The following NR2E1 variants were observed in gnomAD, a reference collection of about 807,000 sequenced individuals.
NR2E1 encodes nuclear receptor TLX.
NR2E1 carries 5 observed loss-of-function variants against 43.6 expected under a neutral mutation model. The observed-to-expected ratio is 0.11, with a 90% CI of 0.06 to 0.24. The LOEUF (loss-of-function observed/expected upper bound fraction) is 0.24. NR2E1 is among the 10% of genes least tolerant of loss of function. The pLI, the probability that NR2E1 is intolerant of heterozygous loss-of-function variation, is 1.00. For missense variants in NR2E1, 287 were observed against 496.7 expected (o/e 0.58, Z 4.01); for synonymous variants, 191 against 195.5 (o/e 0.98, Z 0.19).
Position 108,177,217 on chromosome 6 carries a change from A to T in NR2E1, c.495+479A>T, listed in dbSNP as rs1399403538. Among the ~76,000 whole-genome samples, 5 of 152,260 alleles carry T rather than the reference A, an allele frequency of 3.3e-5. No homozygotes were observed. In the East Asian group the frequency reaches 9.6e-4, roughly 29 times the overall value. ...GGCATGTATGATCTTGGGCAAAGCC[A>T]TGAGTTTCTAACGCAAGTGCGAAAT... On this transcript the variant is annotated intron_variant, in intron 4 of 8. Coordinates refer to ENST00000368986, the MANE Select transcript of NR2E1 (RefSeq NM_003269.5).
At chr6:108,174,297 T>A (rs1028538279) in intron 2 of NR2E1, among the ~76,000 whole-genome samples, 7 of 152,190 alleles carry the variant, frequency 4.6e-5, no homozygotes, top group Non-Finnish European at 1.0e-4. Flanking sequence ...ATCTGATAGA[T>A]AAACGGGCTC....
intron 2 of NR2E1, among the ~76,000 whole-genome samples, chr6:108,174,429 G>A (rs1773861712): frequency 6.6e-6 from 1 of 152,114 alleles, no homozygotes; most frequent in African/African-American, 2.4e-5. Flanking sequence ...GAACTTAGTG[G>A]CCTCTTTCTC....
chr6:108,173,456 TTTATTA>T (rs1020862690), intron 2 of NR2E1, among the ~76,000 whole-genome samples: 4 of 152,240 alleles, frequency 2.6e-5, no homozygotes, highest in Non-Finnish European at 5.9e-5. Flanking sequence ...TATATTCCAA[TTTATTA>T]TTAACAGTAA....
intron 8 of NR2E1, among the ~76,000 whole-genome samples, chr6:108,184,298 T>A (rs1204427692): frequency 6.6e-6 from 1 of 152,142 alleles, no homozygotes; most frequent in Non-Finnish European, 1.5e-5. Flanking sequence ...TATTAAGAAC[T>A]TAAAAATGAG....
In NR2E1 at chr6:108,171,475, C is replaced by T; in HGVS notation, c.43C>T (p.Pro15Ser). The T allele has an allele frequency of 6.2e-7, 1 of 1,613,982 alleles. No individual in the cohort carries two copies. The highest frequency in any genetic ancestry group is 8.5e-7 in the Non-Finnish European group (1 of 1,179,988). ...AGSTSRILDI[P>S]CKVCGDRSSG... ...GATTTCAGGCCGCATTTTAGATATCCCCTGCAAAGTGTGTGGCGACCGCAG... is the reference window on the plus strand; with the variant it reads ...GATTTCAGGCCGCATTTTAGATATCTCCTGCAAAGTGTGTGGCGACCGCAG... Residue 15 changes from proline (P) to serine (S), a missense_variant, in exon 2 of 9, where the codon CCC becomes TCC. Physicochemically the swap from Pro to Ser is moderately conservative, Grantham distance 74. Transcript: ENST00000368986.
At chr6:108,183,441 G>A (rs1198585301) in intron 8 of NR2E1, among the ~76,000 whole-genome samples, 1 of 152,020 alleles carries the variant, frequency 6.6e-6, no homozygotes, top group Non-Finnish European at 1.5e-5. Context: ...AGTTTCCTGA[G>A]TTAGGACTGG....
Position 108,174,858 on chromosome 6 carries a change from C to T in NR2E1, c.194C>T (p.Thr65Met), listed in dbSNP as rs1182632321. The change falls in exon 3 of 9, where the codon ACG becomes ATG. Residue 65 changes from threonine to methionine, a missense_variant. This residue lies in a region of NR2E1 where 46 missense variants were observed against 132.3 expected (regional missense o/e 0.35). Coordinates refer to ENST00000368986, the MANE Select transcript of NR2E1 (RefSeq NM_003269.5). ...GNQGGCPVDK[T>M]HRNQCRACRL... ...CAGGGAGGCTGTCCGGTGGACAAGA[C>T]GCACAGAAACCAGTGCAGGGCGTGT... The T allele has an allele frequency of 1.9e-6, 3 of 1,614,098 alleles. No individual in the cohort carries two copies. Among genetic ancestry groups the T allele is most frequent in the Non-Finnish European group, 2.5e-6 (3 of 1,179,998 alleles).
intron 2 of NR2E1, among the ~76,000 whole-genome samples, chr6:108,173,639 T>A (rs576514012): frequency 6.6e-6 from 1 of 152,302 alleles, no homozygotes; most frequent in Admixed American, 6.5e-5. Context: ...AACTCCAGAG[T>A]ATATGAATTT....
At chr6:108,168,604 G>C (rs979410490) in intron 1 of NR2E1, among the ~76,000 whole-genome samples, 4 of 152,284 alleles carry the variant, frequency 2.6e-5, no homozygotes, top group African/African-American at 9.6e-5. Flanking sequence ...CTCAGGTCGG[G>C]ACGCGGCTGC....
At position 108,178,199 on chromosome 6, in the gene NR2E1, T is replaced by C. The variant is rs140513627; in HGVS notation, c.600T>C (p.Ala200=). 1 of 1,614,214 alleles carries C rather than the reference T, an allele frequency of 6.2e-7. No homozygotes were observed. The highest frequency in any genetic ancestry group is 1.3e-5 in the African/African-American group (1 of 75,052). The change falls in exon 5 of 9, where the codon GCT becomes GCC. Residue 200 remains alanine, a synonymous_variant. Transcript: ENST00000368986. ...ARLLFMSIKW[A]KSVPAFSTLS... is the part of the protein sequence containing the mutation. ...TTCTCTTCATGAGCATCAAGTGGGC[T>C]AAGAGTGTGCCAGCCTTCTCCACGC...
intron 5 of NR2E1, among the ~76,000 whole-genome samples, chr6:108,179,808 A>T (rs564177602): frequency 5.3e-5 from 8 of 152,038 alleles, no homozygotes; most frequent in Non-Finnish European, 1.2e-4. Context: ...AACTCAGCAA[A>T]ACCCGATTAA....
intron 4 of NR2E1, among the ~76,000 whole-genome samples, chr6:108,177,122 A>C (rs1038070512): frequency 3.3e-5 from 5 of 152,166 alleles, no homozygotes; most frequent in African/African-American, 1.2e-4. Context: ...AGACCAGAAG[A>C]ACCAACGTTC....
intron 8 of NR2E1, 46 bp downstream of exon 8, chr6:108,181,697 A>G (rs1773993049): frequency 7.1e-7 from 1 of 1,407,682 alleles, no homozygotes; most frequent in South Asian, 1.1e-5. Flanking sequence ...AATTGCCTCC[A>G]TTGTGAATGC....
rs567488499 is a variant in NR2E1, at chr6:108,167,708, T to C, written c.25+918T>C. Among the ~76,000 whole-genome samples the C allele has an allele frequency of 7.9e-5, 12 of 152,218 alleles. No individual in the cohort carries two copies. In the South Asian group the frequency reaches 8.3e-4, roughly 11 times the overall value. ...GGCTCCAGGGTCTGAGGCTGGGGAC[T>C]ACCGTTGCCGCCGCAGTCCCCATAT... On this transcript the variant is annotated intron_variant, in intron 1 of 8. Transcript: ENST00000368986.
Position 108,166,303 on chromosome 6 carries a change from G to A in NR2E1, c.-463G>A, listed in dbSNP as rs1773707703. 6.5e-6 allele frequency: 1 copy of A among 154,862 alleles called. No individual in the cohort carries two copies. The highest frequency in any genetic ancestry group is 6.5e-5 in the Admixed American group (1 of 15,340). 9.6% of individuals were successfully genotyped at this position (154,862 alleles called of 1,614,324 possible). A position where few individuals can be genotyped will look rare whatever the true frequency, so the allele number is the denominator to read the frequency against. On this transcript the variant is annotated 5_prime_UTR_variant, in exon 1 of 9. Coordinates refer to ENST00000368986, the MANE Select transcript of NR2E1 (RefSeq NM_003269.5). This position sits in a 1 kb window ranked among gnomAD's most constrained non-coding sequence, Gnocchi z 7.2. ...TTCTTTCCTTGGGAGACCAGCGGTC[G>A]GCAGAGATTGCCCACACTCTGCATG...
At chr6:108,186,267 A>C (rs1774073723) in intron 8 of NR2E1, among the ~76,000 whole-genome samples, 1 of 152,132 alleles carries the variant, frequency 6.6e-6, no homozygotes, top group South Asian at 2.1e-4. Context: ...AGGTCCTGAG[A>C]GGCCCAGATG....
Position 108,166,632 on chromosome 6 carries a change from C to A in NR2E1, c.-134C>A. On this transcript the variant is annotated 5_prime_UTR_variant, in exon 1 of 9. Transcript: ENST00000368986. The surrounding 1 kb of genome is among the most constrained non-coding windows in gnomAD (Gnocchi z 7.2). Reference sequence around the variant, plus strand: ...AGGGAGCAGCGCAGCGCGCGACTGACACCCACCTGTCCCGCCCAGGAGCCT... The same window carrying A: ...AGGGAGCAGCGCAGCGCGCGACTGAAACCCACCTGTCCCGCCCAGGAGCCT... 7.6e-6 allele frequency: 5 copies of A among 659,870 alleles called. No individual in the cohort carries two copies. Among genetic ancestry groups the A allele is most frequent in the Non-Finnish European group, 1.2e-5 (5 of 415,238 alleles). The allele number at this position is 659,870 out of a possible 1,614,324, so 40.9% of individuals were successfully genotyped here.
At chr6:108,177,529 C>T (rs7767345) in intron 4 of NR2E1, among the ~76,000 whole-genome samples, 8,915 of 152,256 alleles carry the variant, frequency 0.059, 456 homozygotes, top group African/African-American at 0.13. Context: ...CACATGCACA[C>T]GCACAATATT....
chr6:108,179,450 T>G (rs554169815), intron 5 of NR2E1: 1 of 151,654 alleles, frequency 6.6e-6, no homozygotes, highest in Middle Eastern at 3.4e-3. Context: ...GGTAGTTAGG[T>G]CCTATCTTTG....
Sources: allele counts gnomAD v4.1 joint callset (sites outside exome capture counted in the v4.1 genomes callset), GRCh38; gene constraint gnomAD v4.1.1; regional missense constraint gnomAD v4.1.1; non-coding constraint Gnocchi (gnomAD v3.1); transcripts MANE v1.5; gene names NCBI Gene and HGNC (gene_info 2026-07-23, HGNC 2026-07-21).